The following XKR6 variants were observed in gnomAD, a reference collection of about 807,000 sequenced individuals.
The protein encoded by XKR6 is XK-related protein 6.
XKR6 carries 22 observed loss-of-function variants against 56.7 expected under a neutral mutation model. That is an observed-to-expected ratio of 0.39 (90% CI 0.28 to 0.55). The LOEUF is 0.55. Among genes scored for constraint, XKR6 ranks in the 20% least tolerant of loss-of-function variants. The pLI, the probability that XKR6 is intolerant of heterozygous loss-of-function variation, is 0.66. For missense variants in XKR6, 852 were observed against 889.0 expected, an observed-to-expected ratio of 0.96 and a Z score of 0.53; for synonymous variants, 524 against 387.8, an observed-to-expected ratio of 1.35 and a Z score of -4.13.
chr8:11,075,307 T>A (rs1402517509), intron 1 of XKR6, among the ~76,000 whole-genome samples: 1 of 152,232 alleles, frequency 6.6e-6, no homozygotes, highest in Non-Finnish European at 1.5e-5. Flanking sequence ...TTGCTCACTC[T>A]GCCCTCCGAG....
intron 2 of XKR6, among the ~76,000 whole-genome samples, chr8:10,906,281 A>T (rs1800187874): frequency 6.6e-6 from 1 of 152,360 alleles, no homozygotes; most frequent in African/African-American, 2.4e-5. Context: ...TTAAACATTT[A>T]CCAGCACACC....
At chr8:11,186,111 G>C (rs938333028) in intron 1 of XKR6, among the ~76,000 whole-genome samples, 4 of 152,064 alleles carry the variant, frequency 2.6e-5, no homozygotes, top group African/African-American at 9.7e-5. Flanking sequence ...AGTTTTAAAG[G>C]GAAATCGTCT....
chr8:11,020,250 T>A (rs1376635711), intron 1 of XKR6, among the ~76,000 whole-genome samples: 1 of 152,158 alleles, frequency 6.6e-6, no homozygotes, highest in Non-Finnish European at 1.5e-5. Flanking sequence ...AGAGTTCATA[T>A]GATTTCAGTG....
At chr8:11,062,207 G>A (rs62490747) in intron 1 of XKR6, among the ~76,000 whole-genome samples, 3 of 151,998 alleles carry the variant, frequency 2.0e-5, no homozygotes, top group Non-Finnish European at 2.9e-5. Context: ...GTGCCCAGGC[G>A]CTGGGGGAAG....
chr8:10,924,453 G>C (rs552882213), intron 2 of XKR6, among the ~76,000 whole-genome samples, 181 bp downstream of exon 2: 1 of 152,378 alleles, frequency 6.6e-6, no homozygotes, highest in African/African-American at 2.4e-5. Context: ...ACATGCCTGT[G>C]CAGCTCTTGA....
chr8:10,961,900 A>G (rs1173961017), intron 1 of XKR6, among the ~76,000 whole-genome samples: 1 of 152,200 alleles, frequency 6.6e-6, no homozygotes, highest in Non-Finnish European at 1.5e-5. Context: ...CCCAAGAATC[A>G]TTGTTTCATT....
At chr8:11,100,164 C>T (rs1798417789) in intron 1 of XKR6, among the ~76,000 whole-genome samples, 1 of 152,142 alleles carries the variant, frequency 6.6e-6, no homozygotes, top group Admixed American at 6.5e-5. Flanking sequence ...GCGATCCTTC[C>T]ACTTCAGCCT....
At chr8:11,137,903 C>G (rs1417823024) in intron 1 of XKR6, 4 of 355,978 alleles carry the variant, frequency 1.1e-5, no homozygotes, top group Admixed American at 3.9e-5. Context: ...AGACTTAGGT[C>G]CAAAATCCTA....
intron 1 of XKR6, among the ~76,000 whole-genome samples, chr8:11,133,625 T>C (rs1412552279): frequency 6.6e-6 from 1 of 152,094 alleles, no homozygotes; most frequent in Non-Finnish European, 1.5e-5. Context: ...TGTCTAAGAA[T>C]AGACTAACCT....
At chr8:10,945,357 A>G (rs562744622) in intron 1 of XKR6, among the ~76,000 whole-genome samples, 93 of 152,266 alleles carry the variant, frequency 6.1e-4, no homozygotes, top group Middle Eastern at 3.4e-3. Flanking sequence ...GGTGGTGCAC[A>G]CTTACAATCC....
At chr8:11,021,074 A>T (rs1237822737) in intron 1 of XKR6, among the ~76,000 whole-genome samples, 2 of 152,108 alleles carry the variant, frequency 1.3e-5, no homozygotes, top group Admixed American at 1.3e-4. Context: ...TCTGGCTTTA[A>T]GATACGTCAA....
chr8:11,002,809 G>A (rs1266977171), intron 1 of XKR6, among the ~76,000 whole-genome samples: 1 of 152,210 alleles, frequency 6.6e-6, no homozygotes, highest in Non-Finnish European at 1.5e-5. Flanking sequence ...AATAAACACA[G>A]TCTCCCTCCT....
intron 1 of XKR6, among the ~76,000 whole-genome samples, chr8:10,999,180 G>T (rs956135951): frequency 1.2e-4 from 18 of 152,230 alleles, no homozygotes; most frequent in African/African-American, 4.3e-4. Context: ...GACCCACTAT[G>T]TGTGTGAAGG....
chr8:10,922,463 G>A (rs1800750233), intron 2 of XKR6, among the ~76,000 whole-genome samples: 1 of 152,218 alleles, frequency 6.6e-6, no homozygotes, highest in Non-Finnish European at 1.5e-5. Flanking sequence ...CACTTCCACA[G>A]AGCTCCTTTA....
chr8:11,142,995 G>C (rs535809657), intron 1 of XKR6, among the ~76,000 whole-genome samples: 2 of 152,218 alleles, frequency 1.3e-5, no homozygotes, highest in Admixed American at 1.3e-4. Context: ...TAAATAAAAG[G>C]AAAGAATCAA....
At chr8:10,923,770 A>C (rs565061539) in intron 2 of XKR6, among the ~76,000 whole-genome samples, 22 of 152,130 alleles carry the variant, frequency 1.4e-4, no homozygotes, top group African/African-American at 5.3e-4. Flanking sequence ...AATACAAGAG[A>C]CCAGGAGGTA....
At chr8:11,184,620 C>T (rs949483627) in intron 1 of XKR6, among the ~76,000 whole-genome samples, 3 of 152,012 alleles carry the variant, frequency 2.0e-5, no homozygotes, top group African/African-American at 4.8e-5. Flanking sequence ...TGACCTGTTT[C>T]GATGAAAACA....
At chr8:11,147,453 C>T (rs1231477775) in intron 1 of XKR6, among the ~76,000 whole-genome samples, 1 of 151,438 alleles carries the variant, frequency 6.6e-6, no homozygotes, top group East Asian at 2.0e-4. Flanking sequence ...ATCAAGAGAT[C>T]GAGACAATCC....
chr8:10,943,195 A>T (rs1586334094), intron 1 of XKR6, among the ~76,000 whole-genome samples: 1 of 152,224 alleles, frequency 6.6e-6, no homozygotes, highest in African/African-American at 2.4e-5. Context: ...CTTCCATACC[A>T]TTCGCAGATC....
Sources: allele counts gnomAD v4.1 joint callset (sites outside exome capture counted in the v4.1 genomes callset), GRCh38; gene constraint gnomAD v4.1.1; transcripts MANE v1.5; gene names NCBI Gene and HGNC (gene_info 2026-07-23, HGNC 2026-07-21).